AKAP10: variants seen among roughly 807,000 people sequenced by gnomAD.
AKAP10 encodes the protein A-kinase anchoring protein 10.
AKAP10 carries 24 observed loss-of-function variants against 80.8 expected under a neutral mutation model. The ratio of observed to expected loss-of-function variants is 0.30; its 90% confidence interval spans 0.22 to 0.42. AKAP10 has a LOEUF of 0.42. AKAP10 is among the 10% of genes least tolerant of loss of function. The pLI, the probability that AKAP10 is intolerant of heterozygous loss-of-function variation, is 1.00. For missense variants in AKAP10, 661 were observed against 794.9 expected, an observed-to-expected ratio of 0.83 and a Z score of 2.03; for synonymous variants, 291 against 277.7, an observed-to-expected ratio of 1.05 and a Z score of -0.48.
At position 19,916,808 on chromosome 17, in the gene AKAP10, G is replaced by T. The variant is rs1390698584; in HGVS notation, c.1834+3228C>A. ...AAAAATTAGCCGGGCGTGGTGGCGAGCGCCTGTGGTCCCTGCTACTCAGGA... is the reference window on the plus strand; with the variant it reads ...AAAAATTAGCCGGGCGTGGTGGCGATCGCCTGTGGTCCCTGCTACTCAGGA... On this transcript the variant is annotated intron_variant, in intron 12 of 14. Transcript: ENST00000225737. Among the ~76,000 whole-genome samples the T allele has an allele frequency of 3.3e-5, 5 of 151,646 alleles. No homozygotes were observed. In the East Asian group the frequency reaches 7.8e-4, roughly 24 times the overall value.
At chr17:19,908,821 A>C (rs1423128220) in intron 14 of AKAP10, among the ~76,000 whole-genome samples, 1 of 152,016 alleles carries the variant, frequency 6.6e-6, no homozygotes, top group Non-Finnish European at 1.5e-5. Context: ...GGGTTTCACC[A>C]TGTTGGCCAG....
At chr17:19,940,670 G>T (rs1423543465) in intron 7 of AKAP10, among the ~76,000 whole-genome samples, 2 of 152,090 alleles carry the variant, frequency 1.3e-5, no homozygotes, top group African/African-American at 2.4e-5. Flanking sequence ...GTTTAATTAG[G>T]TTTCTCAAAA....
chr17:19,924,678 A>T (rs1222339412), intron 10 of AKAP10, among the ~76,000 whole-genome samples, 161 bp from the exon 11 acceptor site: 2 of 152,224 alleles, frequency 1.3e-5, no homozygotes, highest in African/African-American at 2.4e-5. Flanking sequence ...TCTGAAATGT[A>T]ACCTCATACT....
At chr17:19,919,962 T>G (rs1286103224) in intron 12 of AKAP10, 74 bp downstream of exon 12, 1 of 1,283,308 alleles carries the variant, frequency 7.8e-7, no homozygotes, top group Non-Finnish European at 1.1e-6. Flanking sequence ...GTTTAAACCT[T>G]AAGTGGTCTT....
chr17:19,912,361 AC>A lies in AKAP10; in HGVS notation c.1835-2384del, dbSNP rs372723527. ...AGACCAGCCTGGTCAACATAGTGAA[AC>A]CCCATCTCTACTAAACATACAAAAA... On this transcript the variant is annotated intron_variant, in intron 12 of 14. Coordinates refer to ENST00000225737, the MANE Select transcript of AKAP10 (RefSeq NM_007202.4). Among the ~76,000 whole-genome samples, 386 of 152,264 alleles carry A rather than the reference AC, an allele frequency of 2.5e-3. 1 individual carries two copies. The highest frequency in any genetic ancestry group is 8.8e-3 in the African/African-American group (365 of 41,546).
At chr17:19,956,859 C>CTCTAACTA in intron 4 of AKAP10, among the ~76,000 whole-genome samples, 1 of 151,950 alleles carries the variant, frequency 6.6e-6, no homozygotes, top group South Asian at 2.1e-4. Context: ...TAAAAATTAG[C>CTCTAACTA]CAGGAGTGGT....
At chr17:19,954,399 AAAC>A (rs1264860895) in intron 4 of AKAP10, among the ~76,000 whole-genome samples, 2 of 152,176 alleles carry the variant, frequency 1.3e-5, no homozygotes, top group Non-Finnish European at 2.9e-5. Context: ...AATAAACAAA[AAAC>A]AAAAAATCTG....
In AKAP10 at chr17:19,931,917, T is replaced by C. The variant is rs2042938669; in HGVS notation, c.1529A>G (p.His510Arg). 1.9e-6 allele frequency: 3 copies of C among 1,613,984 alleles called. No individual in the cohort carries two copies. Among genetic ancestry groups the C allele is most frequent in the African/African-American group, 1.3e-5 (1 of 74,892 alleles). ...CAGAAATTCATCTCCTCGAACCGAATGGATGAGATCATTCAAATATTTATA... is the reference window on the plus strand; with the variant it reads ...CAGAAATTCATCTCCTCGAACCGAACGGATGAGATCATTCAAATATTTATA... ...LYYKYLNDLI[H>R]SVRGDEFLGG... Residue 510 changes from histidine to arginine, a missense_variant, in exon 10 of 15, where the codon CAT becomes CGT. Transcript: ENST00000225737.
At chr17:19,972,336 T>C (rs1422920674) in intron 1 of AKAP10, among the ~76,000 whole-genome samples, 3 of 152,264 alleles carry the variant, frequency 2.0e-5, no homozygotes, top group African/African-American at 4.8e-5. Flanking sequence ...TGCCTCTTCA[T>C]GTCCCTTGTC....
chr17:19,971,474 A>C (rs909836712), intron 1 of AKAP10, among the ~76,000 whole-genome samples: 4 of 150,612 alleles, frequency 2.7e-5, no homozygotes, highest in Non-Finnish European at 5.9e-5. Context: ...ACGCCACTGC[A>C]CTCCAGCCTG....
intron 11 of AKAP10, among the ~76,000 whole-genome samples, chr17:19,924,032 CTATCTTTT>C (rs1356281017): frequency 6.6e-6 from 1 of 152,196 alleles, no homozygotes; most frequent in Non-Finnish European, 1.5e-5. Flanking sequence ...CTATGAATCA[CTATCTTTT>C]TATTACAAGC....
At chr17:19,946,257 ATATATATATATATATATATTTT>A (rs2043121472) in intron 5 of AKAP10, among the ~76,000 whole-genome samples, 3 of 22,718 alleles carry the variant, frequency 1.3e-4, no homozygotes, top group African/African-American at 5.6e-4. Context: ...ATATATATAT[ATATATATATATATATATATTTT>A]TTTTTTTTTT....
chr17:19,946,263 AT>A (rs1465213678), intron 5 of AKAP10, among the ~76,000 whole-genome samples: 1 of 27,206 alleles, frequency 3.7e-5, no homozygotes, highest in South Asian at 1.3e-3. Context: ...ATATATATAT[AT>A]ATATATATAT....
rs140924246 is a variant in AKAP10 at position 19,955,824 on chromosome 17, G to T, written c.877+2190C>A. 1.6e-3 allele frequency among the ~76,000 whole-genome samples: 247 copies of T among 151,776 alleles called. 2 individuals carry two copies. The highest frequency in any genetic ancestry group is 2.9e-3 in the Non-Finnish European group (196 of 67,926). On this transcript the variant is annotated intron_variant, in intron 4 of 14. Transcript: ENST00000225737. ...CACTCCAGCCTGGGTGACAGAGTGA[G>T]ACTCCATCTCAAAAAAAAAACAATT...
intron 7 of AKAP10, 55 bp downstream of exon 7, chr17:19,940,832 G>C (rs1227033006): frequency 1.3e-6 from 2 of 1,516,354 alleles, no homozygotes; most frequent in African/African-American, 1.4e-5. Context: ...CCCCAGCATT[G>C]ATAGTTAGAG....
At chr17:19,945,122 G>C (rs1033191621) in intron 5 of AKAP10, among the ~76,000 whole-genome samples, 4 of 152,134 alleles carry the variant, frequency 2.6e-5, no homozygotes, top group African/African-American at 2.4e-5. Flanking sequence ...CTGGGATAGA[G>C]GTTTTCTCAA....
At chr17:19,938,420 A>G (rs2043016673) in intron 8 of AKAP10, among the ~76,000 whole-genome samples, 1 of 151,668 alleles carries the variant, frequency 6.6e-6, no homozygotes, top group East Asian at 2.0e-4. Flanking sequence ...TATTTTTAGT[A>G]GAGACGGGGT....
intron 4 of AKAP10, among the ~76,000 whole-genome samples, chr17:19,949,869 G>A (rs2152416280): frequency 1.3e-5 from 2 of 151,608 alleles, no homozygotes; most frequent in African/African-American, 4.8e-5. Flanking sequence ...TATTTTTATG[G>A]TGGTTAAGTT....
intron 11 of AKAP10, among the ~76,000 whole-genome samples, chr17:19,923,460 T>C (rs566370274): frequency 3.9e-5 from 6 of 152,272 alleles, no homozygotes; most frequent in Admixed American, 3.9e-4. Context: ...CCAAATACAA[T>C]GTGGTCAAAC....
Sources: allele counts gnomAD v4.1 joint callset (sites outside exome capture counted in the v4.1 genomes callset), GRCh38; gene constraint gnomAD v4.1.1; transcripts MANE v1.5; gene names NCBI Gene and HGNC (gene_info 2026-07-23, HGNC 2026-07-21).